ABCA12: variants seen among roughly 807,000 people sequenced by gnomAD.
ABCA12 encodes the protein ATP binding cassette subfamily A member 12.
In ABCA12, 156 loss-of-function variants were observed where a neutral mutation model predicts 293.5. The observed-to-expected ratio is 0.53, with a 90% CI of 0.47 to 0.61. The LOEUF is 0.61. ABCA12 is among the 20% of genes least tolerant of loss of function. The probability of loss-of-function intolerance (pLI) is 0.00; values close to 1 mark genes in which losing one functional copy is unlikely to be tolerated. For synonymous variants in ABCA12, 1,063 were observed against 1,108.0 expected, an observed-to-expected ratio of 0.96 and a Z score of 0.81; for missense variants, 2,797 against 3,090.2, an observed-to-expected ratio of 0.91 and a Z score of 2.25.
chr2:214,985,506 T>C (rs1278596497), intron 28 of ABCA12, among the ~76,000 whole-genome samples: 2 of 152,098 alleles, frequency 1.3e-5, no homozygotes, highest in African/African-American at 4.8e-5. Flanking sequence ...ACCCTCATGA[T>C]GAATTTACCT....
intron 38 of ABCA12, among the ~76,000 whole-genome samples, chr2:214,967,697 G>A (rs894024478): frequency 5.3e-5 from 8 of 152,130 alleles, no homozygotes; most frequent in African/African-American, 1.9e-4. Flanking sequence ...ATGATTTACT[G>A]TAAAAATCAG....
rs1034449507 is a variant in ABCA12 at position 215,129,329 on chromosome 2, C to A, written c.69+8811G>T. ...AGAAGGTCTGTGTCTGATCTCAGGTCTCCAGGTCATGTCCCTGGTGCTGCC... is the reference window on the plus strand; with the variant it reads ...AGAAGGTCTGTGTCTGATCTCAGGTATCCAGGTCATGTCCCTGGTGCTGCC... On this transcript the variant is annotated intron_variant, in intron 1 of 52. Coordinates refer to ENST00000272895, the MANE Select transcript of ABCA12 (RefSeq NM_173076.3). 9.2e-5 allele frequency among the ~76,000 whole-genome samples: 14 copies of A among 152,202 alleles called. 1 individual carries two copies. The highest frequency in any genetic ancestry group is 2.9e-5 in the Non-Finnish European group (2 of 68,042).
At chr2:214,989,254 T>C in intron 26 of ABCA12, 75 bp downstream of exon 26, 1 of 1,371,654 alleles carries the variant, frequency 7.3e-7, no homozygotes, top group South Asian at 1.6e-5. Flanking sequence ...AAATAAAATA[T>C]TAGAACATAT....
chr2:215,131,015 T>C (rs576559171), intron 1 of ABCA12, among the ~76,000 whole-genome samples: 59 of 152,216 alleles, frequency 3.9e-4, no homozygotes, highest in African/African-American at 1.4e-3. Flanking sequence ...ATATGGTCTT[T>C]GTGCTTAGTT....
chr2:215,063,441 T>C (rs1030135508), intron 3 of ABCA12, among the ~76,000 whole-genome samples: 5 of 151,996 alleles, frequency 3.3e-5, no homozygotes, highest in African/African-American at 1.2e-4. Flanking sequence ...TCTTTTTAGG[T>C]TTAGAATCCC....
chr2:214,971,544 C>T (rs1409271032), intron 36 of ABCA12, among the ~76,000 whole-genome samples: 4 of 152,152 alleles, frequency 2.6e-5, no homozygotes, highest in East Asian at 1.9e-4. Context: ...ACAGACACAG[C>T]GTAGTTTTGC....
At chr2:214,993,150 T>C (rs754019759) in intron 23 of ABCA12, among the ~76,000 whole-genome samples, 4 of 152,234 alleles carry the variant, frequency 2.6e-5, no homozygotes, top group African/African-American at 9.6e-5. Flanking sequence ...GGCTTTAAAC[T>C]AATCACCACT....
chr2:214,933,207 T>C (rs1386364471), intron 52 of ABCA12, among the ~76,000 whole-genome samples: 1 of 152,206 alleles, frequency 6.6e-6, no homozygotes, highest in Non-Finnish European at 1.5e-5. Context: ...GTTAACACTG[T>C]GTTCAGTAAG....
At chr2:215,132,260 C>G (rs1394551209) in intron 1 of ABCA12, among the ~76,000 whole-genome samples, 1 of 152,008 alleles carries the variant, frequency 6.6e-6, no homozygotes, top group Non-Finnish European at 1.5e-5. Context: ...TCCTTTTGCT[C>G]CACAGTCCAA....
intron 2 of ABCA12, among the ~76,000 whole-genome samples, chr2:215,064,491 T>C (rs1294844669): frequency 6.6e-6 from 1 of 152,076 alleles, no homozygotes; most frequent in Non-Finnish European, 1.5e-5. Context: ...TGGGATTTAT[T>C]CTAAGGAAAT....
At position 215,097,954 on chromosome 2, in the gene ABCA12, AT is replaced by A. The variant is rs1326711459; in HGVS notation, c.163+13642del. Reference sequence around the variant, plus strand: ...GTAACCTGCATAACAAAGTTCTATAATTTTTTTTCCCTGATTTTCAGAGCTC... The same window carrying A: ...GTAACCTGCATAACAAAGTTCTATAATTTTTTTCCCTGATTTTCAGAGCTC... On this transcript the variant is annotated intron_variant, in intron 2 of 52. Coordinates refer to ENST00000272895, the MANE Select transcript of ABCA12 (RefSeq NM_173076.3). 3.9e-5 allele frequency among the ~76,000 whole-genome samples: 6 copies of A among 152,092 alleles called. No individual in the cohort carries two copies. In the East Asian group the frequency reaches 5.8e-4, roughly 15 times the overall value.
At chr2:214,990,379 G>C (rs1406374046) in intron 24 of ABCA12, among the ~76,000 whole-genome samples, 3 of 152,140 alleles carry the variant, frequency 2.0e-5, no homozygotes, top group Non-Finnish European at 4.4e-5. Context: ...AATACTAGAG[G>C]CTCCAAGACG....
chr2:214,982,154 T>C (rs1224349350), intron 30 of ABCA12, 33 bp downstream of exon 30: 8 of 1,608,812 alleles, frequency 5.0e-6, no homozygotes, highest in East Asian at 4.5e-5. Flanking sequence ...AGTATGACTG[T>C]TGGGTGGAGA....
chr2:214,954,328 C>T (rs1404251922), intron 43 of ABCA12, among the ~76,000 whole-genome samples: 1 of 152,070 alleles, frequency 6.6e-6, no homozygotes, highest in Non-Finnish European at 1.5e-5. Flanking sequence ...ATGAGGCCAC[C>T]TATAATGTTG....
chr2:214,998,358 A>T lies in ABCA12; in HGVS notation c.3180-549T>A, dbSNP rs181902336. Reference sequence around the variant, plus strand: ...TTTTTAGTAGAGATGGGGTTTCACCATGCTGGCCAGGCTGGTCTCGAATTC... The same window carrying T: ...TTTTTAGTAGAGATGGGGTTTCACCTTGCTGGCCAGGCTGGTCTCGAATTC... On this transcript the variant is annotated intron_variant, in intron 22 of 52. Transcript: ENST00000272895. Among the ~76,000 whole-genome samples, 172 of 152,300 alleles carry T rather than the reference A, an allele frequency of 1.1e-3. 1 individual carries two copies. Among genetic ancestry groups the T allele is most frequent in the African/African-American group, 4.0e-3 (167 of 41,570 alleles).
chr2:215,018,607 T>C (rs1043098507), intron 13 of ABCA12, among the ~76,000 whole-genome samples: 1 of 151,964 alleles, frequency 6.6e-6, no homozygotes, highest in African/African-American at 2.4e-5. Flanking sequence ...TTATAAAGGG[T>C]TTTTACAATC....
intron 2 of ABCA12, among the ~76,000 whole-genome samples, chr2:215,076,190 A>C (rs1420982306): frequency 6.6e-6 from 1 of 152,144 alleles, no homozygotes; most frequent in African/African-American, 2.4e-5. Flanking sequence ...TGCCAATCGC[A>C]AAGAGACAAT....
intron 2 of ABCA12, chr2:215,085,351 GC>G (rs1470542714): frequency 4.6e-5 from 7 of 152,272 alleles, no homozygotes; most frequent in Middle Eastern, 6.8e-3. Context: ...TGTGGTGTTA[GC>G]CCAGGCCTGG....
At chr2:215,050,897 C>G (rs1210170028) in intron 5 of ABCA12, 1 of 814,568 alleles carries the variant, frequency 1.2e-6, no homozygotes. Context: ...AATATATCAT[C>G]CTAATTTTTA....
Sources: allele counts gnomAD v4.1 joint callset (sites outside exome capture counted in the v4.1 genomes callset), GRCh38; gene constraint gnomAD v4.1.1; transcripts MANE v1.5; gene names NCBI Gene and HGNC (gene_info 2026-07-23, HGNC 2026-07-21).